PRKN: variants seen among roughly 807,000 people sequenced by gnomAD.
PRKN encodes the protein parkin RBR E3 ubiquitin protein ligase, also known as E3 ubiquitin-protein ligase parkin.
PRKN carries 56 observed loss-of-function variants against 59.5 expected under a neutral mutation model. The observed-to-expected ratio is 0.94, with a 90% CI of 0.76 to 1.18. The LOEUF (loss-of-function observed/expected upper bound fraction) is 1.18, where lower values mean the gene tolerates loss of function less well. PRKN is among the 50% of genes most tolerant of loss of function. The pLI, the probability that PRKN is intolerant of heterozygous loss-of-function variation, is 0.00. For missense variants in PRKN, 657 were observed against 596.4 expected, an observed-to-expected ratio of 1.10 and a Z score of -1.06; for synonymous variants, 250 against 222.1, an observed-to-expected ratio of 1.13 and a Z score of -1.12.
intron 1 of PRKN, among the ~76,000 whole-genome samples, chr6:162,459,573 G>A (rs1451700669): frequency 6.6e-6 from 1 of 152,210 alleles, no homozygotes; most frequent in Non-Finnish European, 1.5e-5. Context: ...AAATACAGAG[G>A]CTCTCAAGCC....
chr6:161,499,663 G>C lies in PRKN; in HGVS notation c.1083+49191C>G, dbSNP rs1046276774. On this transcript the variant is annotated intron_variant, in intron 9 of 11. Transcript: ENST00000366898. The surrounding 1 kb of genome is among the most constrained non-coding windows in gnomAD (Gnocchi z 4.2). ...TTTCAGACCTACTGGATTCGAGGTG[G>C]TGGTGGTTTCTGCATTTTCCATAAG... 6.6e-6 allele frequency among the ~76,000 whole-genome samples: 1 copy of C among 152,214 alleles called. No individual in the cohort carries two copies. The highest frequency in any genetic ancestry group is 2.4e-5 in the African/African-American group (1 of 41,444).
intron 2 of PRKN, among the ~76,000 whole-genome samples, chr6:162,419,611 C>A (rs1350538999): frequency 1.3e-5 from 2 of 152,238 alleles, no homozygotes; most frequent in East Asian, 3.9e-4. Flanking sequence ...ACAGTGCCCA[C>A]AACGCTCCCA....
At chr6:162,694,693 G>C (rs1777907199) in intron 1 of PRKN, 1 of 152,118 alleles carries the variant, frequency 6.6e-6, no homozygotes, top group African/African-American at 2.4e-5. Context: ...AACTGATAAA[G>C]AACTGTTTAA....
At chr6:161,991,543 TA>T (rs1164240163) in intron 5 of PRKN, among the ~76,000 whole-genome samples, 1 of 152,186 alleles carries the variant, frequency 6.6e-6, no homozygotes, top group Non-Finnish European at 1.5e-5. Context: ...AAATGAATTT[TA>T]AAAAATGGCC....
chr6:162,306,231 A>G (rs147026695), intron 2 of PRKN, among the ~76,000 whole-genome samples: 151 of 152,302 alleles, frequency 9.9e-4, no homozygotes, highest in African/African-American at 3.6e-3. Flanking sequence ...ATGGTCAGAG[A>G]TGGCCTGACT....
At chr6:161,995,509 C>T (rs970950888) in intron 5 of PRKN, among the ~76,000 whole-genome samples, 2 of 151,970 alleles carry the variant, frequency 1.3e-5, no homozygotes, top group African/African-American at 4.8e-5. Context: ...ACTATTCATT[C>T]AACAAGGGAC....
intron 9 of PRKN, among the ~76,000 whole-genome samples, chr6:161,514,588 C>T (rs1778516895): frequency 6.6e-6 from 1 of 152,082 alleles, no homozygotes; most frequent in African/African-American, 2.4e-5. Context: ...GCGTCTGTGA[C>T]TCACGCTGGC....
chr6:162,141,002 C>A (rs997665693), intron 4 of PRKN, among the ~76,000 whole-genome samples: 8 of 151,804 alleles, frequency 5.3e-5, no homozygotes, highest in Admixed American at 3.9e-4. Context: ...TTGTGGCGGG[C>A]GCTTATAGTC....
At chr6:162,637,446 G>A (rs1380454610) in intron 1 of PRKN, among the ~76,000 whole-genome samples, 1 of 152,082 alleles carries the variant, frequency 6.6e-6, no homozygotes, top group Non-Finnish European at 1.5e-5. Context: ...AAACAGTAGG[G>A]AGAGATCAAA....
intron 1 of PRKN, among the ~76,000 whole-genome samples, chr6:162,542,662 A>G (rs1778970210): frequency 1.3e-5 from 2 of 152,154 alleles, no homozygotes; most frequent in Non-Finnish European, 2.9e-5. Context: ...CTTCATTCAT[A>G]GAGAACATTA....
At chr6:161,899,258 G>A (rs184616326) in intron 6 of PRKN, among the ~76,000 whole-genome samples, 35 of 152,240 alleles carry the variant, frequency 2.3e-4, no homozygotes, top group South Asian at 6.2e-4. Flanking sequence ...AAGGCCAGAC[G>A]GAAACATCTT....
chr6:162,104,155 C>G (rs536960737), intron 4 of PRKN, among the ~76,000 whole-genome samples: 1 of 152,310 alleles, frequency 6.6e-6, no homozygotes, highest in African/African-American at 2.4e-5. Flanking sequence ...GTGCCCTGCA[C>G]TCCTCATCTC....
intron 4 of PRKN, among the ~76,000 whole-genome samples, chr6:162,105,255 G>A (rs1466254050): frequency 6.6e-6 from 1 of 152,112 alleles, no homozygotes; most frequent in Non-Finnish European, 1.5e-5. Flanking sequence ...CAATAGTAGT[G>A]CCAAGTTTTA....
intron 1 of PRKN, among the ~76,000 whole-genome samples, chr6:162,625,648 CATGTGTGTGTGTATATGTATTTATGT>C (rs1782852994): frequency 6.6e-6 from 1 of 151,498 alleles, no homozygotes; most frequent in African/African-American, 2.4e-5. Context: ...CCACCATTTG[CATGTGTGTGTGTATATGTATTTATGT>C]ATGTGTGTGT....
intron 1 of PRKN, among the ~76,000 whole-genome samples, chr6:162,476,409 G>A (rs1262721362): frequency 6.6e-6 from 1 of 152,088 alleles, no homozygotes; most frequent in Non-Finnish European, 1.5e-5. Context: ...CTGTGTATAT[G>A]TAAAATTTTT....
At chr6:161,618,867 T>C (rs1185544312) in intron 7 of PRKN, among the ~76,000 whole-genome samples, 4 of 152,170 alleles carry the variant, frequency 2.6e-5, no homozygotes, top group Non-Finnish European at 5.9e-5. Flanking sequence ...TGTTTTTCAC[T>C]GGAGGAAGGA....
At chr6:162,637,380 C>T (rs1777766836) in intron 1 of PRKN, among the ~76,000 whole-genome samples, 1 of 150,898 alleles carries the variant, frequency 6.6e-6, no homozygotes, top group Non-Finnish European at 1.5e-5. Flanking sequence ...GGTGCATACA[C>T]ACAACTCCAG....
chr6:162,027,988 A>G (rs1393972522), intron 5 of PRKN, among the ~76,000 whole-genome samples: 1 of 151,976 alleles, frequency 6.6e-6, no homozygotes, highest in African/African-American at 2.4e-5. Context: ...GCCAGGATAA[A>G]AAAAAATCAC....
chr6:161,656,606 C>T (rs1784361454), intron 7 of PRKN, among the ~76,000 whole-genome samples: 1 of 152,164 alleles, frequency 6.6e-6, no homozygotes, highest in Non-Finnish European at 1.5e-5. Context: ...CTTTAACCAG[C>T]ATCTCAACGA....
Sources: gnomAD v4.1 joint callset for allele counts (sites outside exome capture counted in the v4.1 genomes callset) on GRCh38, gnomAD v4.1.1 for gene constraint, Gnocchi (gnomAD v3.1) non-coding constraint, MANE v1.5 for transcripts, NCBI Gene and HGNC (gene_info 2026-07-23, HGNC 2026-07-21) for gene names.